LRRC4C: variants seen among roughly 807,000 people sequenced by gnomAD.
LRRC4C encodes leucine rich repeat containing 4C.
A neutral mutation model predicts 33.6 loss-of-function variants in LRRC4C; 5 were observed. The ratio of observed to expected loss-of-function variants is 0.15; its 90% CI spans 0.08 to 0.31. The LOEUF is 0.31. Among genes scored for constraint, LRRC4C ranks in the 10% least tolerant of loss-of-function variants. The pLI is 1.00. For missense variants in LRRC4C, 560 were observed against 796.7 expected, an observed-to-expected ratio of 0.70 and a Z score of 3.58; for synonymous variants, 329 against 302.0, an observed-to-expected ratio of 1.09 and a Z score of -0.93.
chr11:41,165,097 T>C (rs1175736467), intron 1 of LRRC4C, among the ~76,000 whole-genome samples: 2 of 152,190 alleles, frequency 1.3e-5, no homozygotes, highest in Non-Finnish European at 1.5e-5. Flanking sequence ...CACCTGTTTC[T>C]TTATTGGATC....
intron 1 of LRRC4C, among the ~76,000 whole-genome samples, chr11:41,218,763 A>ATTTTTTT (rs1184491274): frequency 1.5e-4 from 16 of 108,910 alleles, no homozygotes; most frequent in Non-Finnish European, 2.0e-4. Context: ...TGCATATGTC[A>ATTTTTTT]TTTTTTTTTT....
intron 2 of LRRC4C, among the ~76,000 whole-genome samples, chr11:40,824,369 A>T (rs1039354539): frequency 5.9e-5 from 9 of 151,954 alleles, no homozygotes; most frequent in African/African-American, 1.7e-4. Context: ...TAAAATTTTT[A>T]AAAGTTATTA....
intron 2 of LRRC4C, among the ~76,000 whole-genome samples, chr11:40,691,389 C>A (rs1459590621): frequency 6.6e-6 from 1 of 151,996 alleles, no homozygotes; most frequent in Non-Finnish European, 1.5e-5. Flanking sequence ...ATCACAAGAA[C>A]TTTAACAGGA....
intron 1 of LRRC4C, among the ~76,000 whole-genome samples, chr11:41,034,014 T>C (rs1856882695): frequency 6.6e-6 from 1 of 152,122 alleles, no homozygotes; most frequent in Admixed American, 6.6e-5. Context: ...TATTTATTTC[T>C]ATTTTATTTT....
At chr11:40,749,018 C>A (rs979142141) in intron 2 of LRRC4C, among the ~76,000 whole-genome samples, 3 of 151,754 alleles carry the variant, frequency 2.0e-5, no homozygotes, top group Non-Finnish European at 4.4e-5. Flanking sequence ...AGAGAGAGAG[C>A]GACTGCAATG....
In LRRC4C at chr11:41,017,235, G is replaced by A. The variant is rs143474313; in HGVS notation, c.-495-83512C>T. ...AAGTAAAGTAGTTGAACAAACATTT[G>A]GGTCAGGATGCTATCAGAGGCTTTG... On this transcript the variant is annotated intron_variant, in intron 1 of 6. Coordinates refer to ENST00000528697, the MANE Select transcript of LRRC4C (RefSeq NM_001258419.2). 2.5e-3 allele frequency among the ~76,000 whole-genome samples: 382 copies of A among 152,264 alleles called. 5 individuals are homozygous for A. The highest frequency in any genetic ancestry group is 9.1e-3 in the East Asian group (47 of 5,178).
chr11:41,065,638 G>A (rs1438128091), intron 1 of LRRC4C, among the ~76,000 whole-genome samples: 1 of 152,188 alleles, frequency 6.6e-6, no homozygotes, highest in African/African-American at 2.4e-5. Context: ...CCCAACAGGG[G>A]TCTACGGACA....
At chr11:40,565,225 T>C (rs2135529801) in intron 3 of LRRC4C, among the ~76,000 whole-genome samples, 1 of 152,322 alleles carries the variant, frequency 6.6e-6, no homozygotes, top group Non-Finnish European at 1.5e-5. Context: ...CCATCATTTA[T>C]ATGGAGAAGT....
At chr11:40,160,672 A>G (rs912580942) in intron 5 of LRRC4C, among the ~76,000 whole-genome samples, 1 of 152,202 alleles carries the variant, frequency 6.6e-6, no homozygotes, top group African/African-American at 2.4e-5. Flanking sequence ...GCGAAAGGGC[A>G]GGGGTGGGTC....
At chr11:40,518,417 A>G (rs1354816078) in intron 3 of LRRC4C, among the ~76,000 whole-genome samples, 1 of 152,210 alleles carries the variant, frequency 6.6e-6, no homozygotes, top group African/African-American at 2.4e-5. Context: ...TTTACAAGAA[A>G]AAAACAACCC....
chr11:40,860,331 A>T (rs1954023960), intron 2 of LRRC4C, among the ~76,000 whole-genome samples: 1 of 152,150 alleles, frequency 6.6e-6, no homozygotes, highest in South Asian at 2.1e-4. Context: ...CCAGCCGAGT[A>T]AGTTACACAA....
intron 3 of LRRC4C, among the ~76,000 whole-genome samples, chr11:40,477,480 C>T (rs1953297616): frequency 6.6e-6 from 1 of 152,038 alleles, no homozygotes; most frequent in Non-Finnish European, 1.5e-5. Flanking sequence ...TATTCATTAC[C>T]CACCTTTTAT....
At chr11:41,246,244 C>A (rs11036317) in intron 1 of LRRC4C, among the ~76,000 whole-genome samples, 6,919 of 152,234 alleles carry the variant, frequency 0.045, 199 homozygotes, top group South Asian at 0.074. Context: ...TCATCGGCAC[C>A]CAAAGTCCAG....
chr11:40,983,201 T>C lies in LRRC4C; in HGVS notation c.-495-49478A>G, dbSNP rs377640604. Among the ~76,000 whole-genome samples, 7 of 152,288 alleles carry C rather than the reference T, an allele frequency of 4.6e-5. No homozygotes were observed. In the East Asian group the frequency reaches 1.4e-3, roughly 29 times the overall value. ...TTGGGTATATACCCAGTAATAACAT[T>C]GCTGGGTCAAATTTCTGTCCTTAGG... On this transcript the variant is annotated intron_variant, in intron 1 of 6. Coordinates refer to ENST00000528697, the MANE Select transcript of LRRC4C (RefSeq NM_001258419.2).
chr11:41,036,488 T>C (rs1474722365), intron 1 of LRRC4C, among the ~76,000 whole-genome samples: 2 of 152,174 alleles, frequency 1.3e-5, no homozygotes, highest in East Asian at 3.9e-4. Context: ...TAACTATTTA[T>C]GCTGATGCAA....
At chr11:41,203,672 C>G (rs968691378) in intron 1 of LRRC4C, among the ~76,000 whole-genome samples, 7 of 152,128 alleles carry the variant, frequency 4.6e-5, no homozygotes, top group Non-Finnish European at 1.0e-4. Flanking sequence ...CCTTGAACAC[C>G]ACAACTGACC....
chr11:41,397,276 C>T (rs1322904824), intron 1 of LRRC4C, among the ~76,000 whole-genome samples: 2 of 151,944 alleles, frequency 1.3e-5, no homozygotes, highest in East Asian at 1.9e-4. Flanking sequence ...CCACCTCCTA[C>T]ACCTCTTTTG....
intron 4 of LRRC4C, among the ~76,000 whole-genome samples, chr11:40,309,575 A>T (rs1945202210): frequency 6.7e-6 from 1 of 149,848 alleles, no homozygotes; most frequent in Non-Finnish European, 1.5e-5. Flanking sequence ...GCACAATCTC[A>T]GCTCACTGCA....
At chr11:40,722,589 G>A (rs1169208591) in intron 2 of LRRC4C, among the ~76,000 whole-genome samples, 11 of 152,128 alleles carry the variant, frequency 7.2e-5, no homozygotes, top group Non-Finnish European at 1.3e-4. Flanking sequence ...CTAAGAATAT[G>A]AGAACAAAGA....
Sources: gnomAD v4.1 joint callset for allele counts (sites outside exome capture counted in the v4.1 genomes callset) on GRCh38, gnomAD v4.1.1 for gene constraint, MANE v1.5 for transcripts, NCBI Gene and HGNC (gene_info 2026-07-23, HGNC 2026-07-21) for gene names.